Variants in VPS35L observed in about 807,000 individuals in gnomAD.
VPS35L encodes VPS35 endosomal protein sorting factor like.
A neutral mutation model predicts 133.0 loss-of-function variants in VPS35L; 83 were observed. That is an observed-to-expected ratio of 0.62 (90% CI 0.52 to 0.75). VPS35L has a LOEUF of 0.75. Among genes scored for constraint, VPS35L ranks in the 30% least tolerant of loss-of-function variants. The probability of loss-of-function intolerance (pLI) is 0.00; values close to 1 mark genes in which losing one functional copy is unlikely to be tolerated. For missense variants in VPS35L, 1,083 were observed against 1,206.8 expected (o/e 0.90, Z 1.52); for synonymous variants, 423 against 449.9 (o/e 0.94, Z 0.76).
rs755493971 is a variant in VPS35L at position 19,633,058 on chromosome 16, T to C, written c.1555-34T>C. 6.3e-7 allele frequency: 1 copy of C among 1,583,548 alleles called. No individual in the cohort carries two copies. The highest frequency in any genetic ancestry group is 2.2e-5 in the East Asian group (1 of 44,744). On this transcript the variant is annotated intron_variant, in intron 18 of 30. Transcript: ENST00000417362. This position sits in a 1 kb window ranked among gnomAD's most constrained non-coding sequence, Gnocchi z 4.1. Reference sequence around the variant, plus strand: ...CATGGTCAGCAGTTGCCATACAGTGTCTAATTCAGGTTTGGTTCCTTTTTC... The same window carrying C: ...CATGGTCAGCAGTTGCCATACAGTGCCTAATTCAGGTTTGGTTCCTTTTTC...
rs147048578 is a variant in VPS35L at position 19,586,368 on chromosome 16, T to A, written c.639+4715T>A. ...TTATTTATTTATTTGAGACAGAGTT[T>A]CGCTCTCGTTGCCCAGGCTGGAGTG... On this transcript the variant is annotated intron_variant, in intron 7 of 30. Coordinates refer to ENST00000417362, the MANE Select transcript of VPS35L (RefSeq NM_020314.7). Among the ~76,000 whole-genome samples, 2 of 152,202 alleles carry A rather than the reference T, an allele frequency of 1.3e-5. 1 individual carries two copies. The highest frequency in any genetic ancestry group is 1.3e-4 in the Admixed American group (2 of 15,280).
intron 5 of VPS35L, among the ~76,000 whole-genome samples, chr16:19,575,497 C>T (rs375490740): frequency 6.7e-5 from 10 of 149,342 alleles, no homozygotes; most frequent in East Asian, 4.0e-4. Context: ...ACCTGAGAGG[C>T]GGAGGTTTCA....
intron 27 of VPS35L, among the ~76,000 whole-genome samples, chr16:19,676,009 T>C (rs1202074305): frequency 6.6e-6 from 1 of 152,102 alleles, no homozygotes; most frequent in Non-Finnish European, 1.5e-5. Context: ...CCCAGCACTT[T>C]AGGAGGCCAT....
chr16:19,646,937 T>C (rs1973969864), intron 23 of VPS35L, among the ~76,000 whole-genome samples: 1 of 152,174 alleles, frequency 6.6e-6, no homozygotes, highest in South Asian at 2.1e-4. Flanking sequence ...CACCAACTGC[T>C]GCAAATATCT....
intron 14 of VPS35L, among the ~76,000 whole-genome samples, chr16:19,622,140 C>T (rs201985704): frequency 4.5e-4 from 49 of 107,898 alleles, no homozygotes; most frequent in South Asian, 1.5e-3. Flanking sequence ...CCATGTATAT[C>T]TTTTTTTTTT....
At chr16:19,565,046 C>A (rs918572696) in intron 2 of VPS35L, 96 bp downstream of exon 2, 6 of 886,308 alleles carry the variant, frequency 6.8e-6, no homozygotes, top group Admixed American at 5.3e-5. Context: ...GTGGTAGCCA[C>A]TTTTGCATAT....
chr16:19,582,848 A>G (rs7190644), intron 7 of VPS35L, among the ~76,000 whole-genome samples: 19,039 of 152,180 alleles, frequency 0.13, 2,093 homozygotes, highest in African/African-American at 0.31. Context: ...TCAACAATAC[A>G]TTAAGGACTG....
chr16:19,636,040 G>A (rs1055078394), intron 19 of VPS35L, among the ~76,000 whole-genome samples: 3 of 152,094 alleles, frequency 2.0e-5, no homozygotes, highest in Non-Finnish European at 4.4e-5. Context: ...ATAAAAATTA[G>A]ATGGGTGTGG....
chr16:19,627,935 A>C (rs1973321352), intron 16 of VPS35L, 130 bp downstream of exon 16: 6 of 713,438 alleles, frequency 8.4e-6, no homozygotes, highest in Non-Finnish European at 1.5e-5. Flanking sequence ...GTTTCTGAGG[A>C]ACGCAATGGA....
intron 27 of VPS35L, among the ~76,000 whole-genome samples, chr16:19,674,085 A>G (rs992962615): frequency 2.0e-5 from 3 of 148,442 alleles, no homozygotes; most frequent in Non-Finnish European, 4.5e-5. Flanking sequence ...CTCTCAGGTG[A>G]TGGGATGCGC....
intron 8 of VPS35L, among the ~76,000 whole-genome samples, chr16:19,598,067 T>C (rs1181760665): frequency 1.3e-5 from 2 of 152,092 alleles, no homozygotes; most frequent in Admixed American, 1.3e-4. Flanking sequence ...AGGCATTGGG[T>C]ACAGAGGTGG....
At chr16:19,637,444 G>T (rs1489018062) in intron 19 of VPS35L, 150 bp from the exon 20 acceptor site, 4 of 546,644 alleles carry the variant, frequency 7.3e-6, no homozygotes, top group Non-Finnish European at 1.3e-5. Context: ...AACAATCCAG[G>T]CTTACCTTAT....
At chr16:19,598,102 T>A (rs1310585676) in intron 8 of VPS35L, among the ~76,000 whole-genome samples, 1 of 152,154 alleles carries the variant, frequency 6.6e-6, no homozygotes, top group African/African-American at 2.4e-5. Flanking sequence ...TGCCTGCGTC[T>A]CCTGTTTCAG....
At chr16:19,608,072 G>T (rs763522124) in intron 9 of VPS35L, 106 bp from the exon 10 acceptor site, 4 of 772,626 alleles carry the variant, frequency 5.2e-6, no homozygotes, top group Non-Finnish European at 9.0e-6. Flanking sequence ...AAAGAAACAG[G>T]CTGAGTCACC....
chr16:19,617,585 T>G (rs567543408), intron 14 of VPS35L: 2 of 152,400 alleles, frequency 1.3e-5, no homozygotes, highest in Admixed American at 6.5e-5. Flanking sequence ...TTTTCTTTTT[T>G]GCCAGTTGAA....
At chr16:19,671,926 C>T (rs1478323876) in intron 27 of VPS35L, among the ~76,000 whole-genome samples, 1 of 152,180 alleles carries the variant, frequency 6.6e-6, no homozygotes, top group Admixed American at 6.5e-5. Context: ...CCTGGGGCCC[C>T]TCCCAGAGTC....
intron 11 of VPS35L, 42 bp from the exon 12 acceptor site, chr16:19,610,280 C>G: frequency 1.3e-6 from 2 of 1,521,264 alleles, no homozygotes; most frequent in Non-Finnish European, 1.8e-6. Context: ...ACAGCGAGTT[C>G]TCACGTCGAA....
At chr16:19,676,332 C>T (rs1198819370) in intron 27 of VPS35L, among the ~76,000 whole-genome samples, 1 of 152,192 alleles carries the variant, frequency 6.6e-6, no homozygotes, top group African/African-American at 2.4e-5. Flanking sequence ...TTGATTCTTA[C>T]AAATGTGGGA....
At chr16:19,657,707 T>A (rs226901) in intron 26 of VPS35L, among the ~76,000 whole-genome samples, 12,088 of 152,218 alleles carry the variant, frequency 0.079, 603 homozygotes, top group Non-Finnish European at 0.11. Flanking sequence ...CTAATGGAAA[T>A]AGCCAGGGCC....
Sources: gnomAD v4.1 joint callset for allele counts (sites outside exome capture counted in the v4.1 genomes callset) on GRCh38, gnomAD v4.1.1 for gene constraint, Gnocchi (gnomAD v3.1) non-coding constraint, MANE v1.5 for transcripts, NCBI Gene and HGNC (gene_info 2026-07-23, HGNC 2026-07-21) for gene names.